The following AKAP19 variants were observed in gnomAD, a reference collection of about 807,000 sequenced individuals.
AKAP19 encodes the protein small A-kinase anchoring protein.
At chr2:190,196,372 A>C in the AKAP19 span, among the ~76,000 whole-genome samples, 1 of 151,994 alleles carries the variant, frequency 6.6e-6, no homozygotes, top group Non-Finnish European at 1.5e-5. Context: ...CATCTTGTAC[A>C]TTTCAGTTAC....
chr2:189,922,013 G>T, the AKAP19 span, among the ~76,000 whole-genome samples: 2 of 152,216 alleles, frequency 1.3e-5, no homozygotes, highest in African/African-American at 2.4e-5. Flanking sequence ...TAGGGTGCTG[G>T]ATGAGCACAT....
chr2:190,050,122 A>C, the AKAP19 span, among the ~76,000 whole-genome samples: 1 of 152,206 alleles, frequency 6.6e-6, no homozygotes, highest in Non-Finnish European at 1.5e-5. Flanking sequence ...GAACCAGAAG[A>C]GGTTGAGAGA....
At chr2:189,889,772 A>G in the AKAP19 span, among the ~76,000 whole-genome samples, 4 of 152,152 alleles carry the variant, frequency 2.6e-5, no homozygotes, top group Non-Finnish European at 5.9e-5. Context: ...ATCAGTGGTG[A>G]AATTCCCTTT....
At chr2:190,189,655 G>C in the AKAP19 span, 1 of 152,146 alleles carries the variant, frequency 6.6e-6, no homozygotes, top group Non-Finnish European at 1.5e-5. Context: ...CTTGGATAAG[G>C]TTATATATCC....
the AKAP19 span, among the ~76,000 whole-genome samples, chr2:190,054,344 A>G: frequency 6.6e-5 from 10 of 152,302 alleles, no homozygotes; most frequent in Non-Finnish European, 1.0e-4. Context: ...TTAATTCAAG[A>G]TGGATTAAAG....
the AKAP19 span, chr2:190,199,666 C>T: frequency 7.3e-7 from 1 of 1,368,740 alleles, no homozygotes; most frequent in Non-Finnish European, 9.5e-7. Flanking sequence ...CATTCTGTAA[C>T]TTCAAAATGA....
chr2:190,199,801 C>G, the AKAP19 span: 1 of 1,575,648 alleles, frequency 6.3e-7, no homozygotes, highest in Non-Finnish European at 8.6e-7. Flanking sequence ...TCATTGTTTT[C>G]TAAAGATGGC....
the AKAP19 span, among the ~76,000 whole-genome samples, chr2:189,931,679 G>A: frequency 3.3e-5 from 5 of 152,058 alleles, no homozygotes; most frequent in East Asian, 3.9e-4. Context: ...CCCCAAATGT[G>A]CACAATCGTG....
At chr2:189,943,525 A>T in the AKAP19 span, among the ~76,000 whole-genome samples, 1 of 152,214 alleles carries the variant, frequency 6.6e-6, no homozygotes, top group Non-Finnish European at 1.5e-5. Context: ...CCAAGGGGAA[A>T]TGTGGGGTTG....
chr2:190,059,799 T>C, the AKAP19 span, among the ~76,000 whole-genome samples: 1 of 151,882 alleles, frequency 6.6e-6, no homozygotes, highest in Non-Finnish European at 1.5e-5. Context: ...TCATTCCCAA[T>C]TCAAAAGGAC....
chr2:190,008,608 A>C, the AKAP19 span, among the ~76,000 whole-genome samples: 2 of 152,152 alleles, frequency 1.3e-5, no homozygotes, highest in Admixed American at 6.5e-5. Context: ...AAAGTTTAAA[A>C]TCCCAGCTTA....
At chr2:190,148,953 C>CTTTTTTTTT in the AKAP19 span, among the ~76,000 whole-genome samples, 14 of 134,072 alleles carry the variant, frequency 1.0e-4, 1 homozygote, top group African/African-American at 3.9e-4. Flanking sequence ...TCTTTTCTTT[C>CTTTTTTTTT]TTTTTTTTTT....
the AKAP19 span, among the ~76,000 whole-genome samples, chr2:189,896,000 C>A: frequency 3.6e-5 from 3 of 83,228 alleles, no homozygotes; most frequent in African/African-American, 1.1e-4. Context: ...CAAAGTGAGA[C>A]CCTGTCTCAA....
At chr2:189,880,385 A>C in the AKAP19 span, among the ~76,000 whole-genome samples, 498 of 152,244 alleles carry the variant, frequency 3.3e-3, 3 homozygotes, top group African/African-American at 0.012. Flanking sequence ...ATAAATTTAG[A>C]AGTTTATTTT....
chr2:190,193,638 TTA>T, the AKAP19 span, among the ~76,000 whole-genome samples: 3 of 152,164 alleles, frequency 2.0e-5, no homozygotes, highest in African/African-American at 7.2e-5. Context: ...ATAAAATTGT[TTA>T]TATTATTCCT....
At chr2:189,917,579 C>G in the AKAP19 span, 2 of 453,170 alleles carry the variant, frequency 4.4e-6, no homozygotes, top group East Asian at 8.0e-5. Context: ...GGTCTTATTG[C>G]TGGGCTCCAC....
chr2:189,991,705 G>A, the AKAP19 span, among the ~76,000 whole-genome samples: 2 of 152,084 alleles, frequency 1.3e-5, no homozygotes, highest in African/African-American at 4.8e-5. Flanking sequence ...GTTTAACTAG[G>A]TCCCATCTAT....
the AKAP19 span, among the ~76,000 whole-genome samples, chr2:190,099,536 T>TATA: frequency 4.3e-4 from 66 of 152,086 alleles, 1 homozygote; most frequent in Non-Finnish European, 8.8e-4. Context: ...CCATAACAGA[T>TATA]ATAATAATAA....
the AKAP19 span, among the ~76,000 whole-genome samples, chr2:189,889,656 G>T: frequency 3.3e-5 from 5 of 152,096 alleles, no homozygotes; most frequent in Admixed American, 1.3e-4. Context: ...TTTAGTCTTG[G>T]GAGGGTGTAT....
Sources: gnomAD v4.1 joint callset for allele counts (sites outside exome capture counted in the v4.1 genomes callset) on GRCh38, gnomAD v4.1.1 for gene constraint, MANE v1.5 for transcripts, NCBI Gene and HGNC (gene_info 2026-07-23, HGNC 2026-07-21) for gene names.